Variants in SNX2 observed in about 807,000 individuals in gnomAD.
SNX2 encodes sorting nexin 2, also known as sorting nexin-2.
In SNX2, 25 loss-of-function variants were observed where a neutral mutation model predicts 69.9. That is an observed-to-expected ratio of 0.36 (90% CI 0.26 to 0.50). The LOEUF is 0.50. SNX2 is among the 20% of genes least tolerant of loss of function. The pLI is 0.97. For missense variants in SNX2, 551 were observed against 613.3 expected, an observed-to-expected ratio of 0.90 and a Z score of 1.07; for synonymous variants, 229 against 200.4, an observed-to-expected ratio of 1.14 and a Z score of -1.20.
At chr5:122,789,253 A>G (rs190333504) in intron 1 of SNX2, among the ~76,000 whole-genome samples, 18 of 152,222 alleles carry the variant, frequency 1.2e-4, no homozygotes, top group East Asian at 1.2e-3. Context: ...CTAAGTATCA[A>G]TTGAGTTTTC....
intron 11 of SNX2, among the ~76,000 whole-genome samples, chr5:122,824,214 A>G (rs1379983011): frequency 7.2e-5 from 11 of 151,814 alleles, no homozygotes; most frequent in Non-Finnish European, 1.3e-4. Flanking sequence ...AAAAAAAAAA[A>G]AAAAAGAAAA....
chr5:122,777,316 G>T (rs549376734), intron 1 of SNX2, among the ~76,000 whole-genome samples: 1 of 152,260 alleles, frequency 6.6e-6, no homozygotes, highest in South Asian at 2.1e-4. Flanking sequence ...GTAGGACTGG[G>T]TAGAACCCAG....
Position 122,826,037 on chromosome 5 carries a change from C to G in SNX2, c.1213-13C>G. ...TTACTCTTACTTAATAGCATTATGT[C>G]ATTCACTTATAGGGTGTGTTTGACC... is the stretch of plus-strand genomic sequence containing the variant. On this transcript the variant is annotated splice_polypyrimidine_tract_variant and intron_variant, in intron 11 of 14. Transcript: ENST00000379516. The G allele has an allele frequency of 6.2e-7, 1 of 1,608,230 alleles. No homozygotes were observed. Among genetic ancestry groups the G allele is most frequent in the South Asian group, 1.1e-5 (1 of 90,230 alleles).
intron 2 of SNX2, chr5:122,795,612 G>A (rs775544024): frequency 2.7e-6 from 1 of 369,104 alleles, no homozygotes; most frequent in Non-Finnish European, 4.8e-6. Flanking sequence ...AGAATAAATT[G>A]TATATTATAA....
rs75347474 is a variant in SNX2, at chr5:122,790,718, G to C, written c.109-4548G>C. ...AAGTGAGAGAAAGGGTAGAAGATAG[G>C]GGAATTGGCTAGTTATGGAAGATTT... On this transcript the variant is annotated intron_variant, in intron 1 of 14. Coordinates refer to ENST00000379516, the MANE Select transcript of SNX2 (RefSeq NM_003100.4). Among the ~76,000 whole-genome samples the C allele has an allele frequency of 1.1e-3, 170 of 152,300 alleles. 1 individual carries two copies. The East Asian group carries it at 0.027, about 24-fold the overall frequency.
chr5:122,795,793 T>G (rs1753363529), intron 2 of SNX2, among the ~76,000 whole-genome samples: 3 of 152,210 alleles, frequency 2.0e-5, no homozygotes, highest in Non-Finnish European at 4.4e-5. Context: ...TTTAATAAAT[T>G]GCTGTACTAT....
intron 1 of SNX2, among the ~76,000 whole-genome samples, chr5:122,785,265 C>T (rs953453190): frequency 6.6e-6 from 1 of 150,896 alleles, no homozygotes; most frequent in Non-Finnish European, 1.5e-5. Context: ...TTAATTTGCT[C>T]TTCTAGTTTT....
chr5:122,816,357 TG>T (rs1286116199), intron 8 of SNX2, among the ~76,000 whole-genome samples: 2 of 152,206 alleles, frequency 1.3e-5, no homozygotes, highest in African/African-American at 4.8e-5. Context: ...GGTTTTGAAA[TG>T]CAAATTTGTG....
chr5:122,791,470 C>T (rs1192657046), intron 1 of SNX2, among the ~76,000 whole-genome samples: 20 of 152,244 alleles, frequency 1.3e-4, no homozygotes, highest in Admixed American at 3.9e-4. Context: ...TTAGTAGAGA[C>T]GGGGTTTCAC....
In SNX2 at chr5:122,803,361, G is replaced by T. The variant is rs1038056090; in HGVS notation, c.502-111G>T. Reference sequence around the variant, plus strand: ...ATATACCACATTAGTTAGATACTCTGCATTCTTTTGCAAAGTAGATACATG... The same window carrying T: ...ATATACCACATTAGTTAGATACTCTTCATTCTTTTGCAAAGTAGATACATG... On this transcript the variant is annotated intron_variant, in intron 5 of 14. Coordinates refer to ENST00000379516, the MANE Select transcript of SNX2 (RefSeq NM_003100.4). 7.1e-6 allele frequency: 7 copies of T among 988,480 alleles called. No homozygotes were observed. In the East Asian group the frequency reaches 1.6e-4, roughly 22 times the overall value. 61.2% of individuals were successfully genotyped at this position (988,480 alleles called of 1,614,324 possible). A position where few individuals can be genotyped will look rare whatever the true frequency, so the allele number is the denominator to read the frequency against.
chr5:122,803,388 A>G (rs563922246), intron 5 of SNX2, 84 bp from the exon 6 acceptor site: 1 of 1,291,886 alleles, frequency 7.7e-7, no homozygotes, highest in African/African-American at 1.5e-5. Context: ...AGATACATGT[A>G]TGTGTTCACA....
chr5:122,808,108 A>C (rs1348940674), intron 6 of SNX2, among the ~76,000 whole-genome samples, 169 bp from the exon 7 acceptor site: 1 of 152,200 alleles, frequency 6.6e-6, no homozygotes, highest in Non-Finnish European at 1.5e-5. Context: ...TTAACGTATC[A>C]TGAGATTTAA....
Position 122,834,241 on chromosome 5 carries a change from A to G in SNX2, c.*4593A>G, listed in dbSNP as rs954103978. 1 of 152,232 alleles carries G rather than the reference A, an allele frequency of 6.6e-6. No individual in the cohort carries two copies. The highest frequency in any genetic ancestry group is 2.4e-5 in the African/African-American group (1 of 41,476). 9.4% of individuals were successfully genotyped at this position (152,232 alleles called of 1,614,324 possible). On this transcript the variant is annotated 3_prime_UTR_variant, in exon 15 of 15. Coordinates refer to ENST00000379516, the MANE Select transcript of SNX2 (RefSeq NM_003100.4). ...CTGATAAGATTGTAGAAGATAGGGAAGCTGTAGTTTACTATCTAGTTTTTT... is the reference window on the plus strand; with the variant it reads ...CTGATAAGATTGTAGAAGATAGGGAGGCTGTAGTTTACTATCTAGTTTTTT...
intron 7 of SNX2, among the ~76,000 whole-genome samples, chr5:122,812,562 T>A (rs1753804013): frequency 6.6e-6 from 1 of 152,218 alleles, no homozygotes; most frequent in South Asian, 2.1e-4. Context: ...ACCAACCACA[T>A]CTTAAATACT....
At chr5:122,811,989 T>C (rs927705443) in intron 7 of SNX2, among the ~76,000 whole-genome samples, 1 of 152,180 alleles carries the variant, frequency 6.6e-6, no homozygotes, top group Non-Finnish European at 1.5e-5. Context: ...TTCAGGATTA[T>C]CTAATTCATT....
chr5:122,802,917 TGA>T (rs972097611), intron 5 of SNX2, among the ~76,000 whole-genome samples: 4 of 152,038 alleles, frequency 2.6e-5, no homozygotes, highest in Admixed American at 1.3e-4. Context: ...TTTGCAGCTG[TGA>T]GAGTGATCCA....
rs1754320707 is a variant in SNX2, at chr5:122,832,669, A to G, written c.*3021A>G. ...CTTTAACTATGACATAAGCCTTTTA[A>G]CATAATCAGCTTTCTTTAAAGGAGG... is the stretch of plus-strand genomic sequence containing the variant. On this transcript the variant is annotated 3_prime_UTR_variant, in exon 15 of 15. Coordinates refer to ENST00000379516, the MANE Select transcript of SNX2 (RefSeq NM_003100.4). 6.6e-6 allele frequency: 1 copy of G among 152,228 alleles called. No homozygotes were observed. Among genetic ancestry groups the G allele is most frequent in the Non-Finnish European group, 1.5e-5 (1 of 68,028 alleles). 9.4% of individuals were successfully genotyped at this position (152,228 alleles called of 1,614,324 possible). A position where few individuals can be genotyped will look rare whatever the true frequency, so the allele number is the denominator to read the frequency against.
intron 2 of SNX2, among the ~76,000 whole-genome samples, chr5:122,798,034 A>G (rs1753423874): frequency 2.0e-5 from 3 of 152,222 alleles, no homozygotes; most frequent in Middle Eastern, 3.4e-3. Context: ...ATCTCTCACA[A>G]TATTTTGCCT....
chr5:122,775,453 C>G, intron 1 of SNX2: 1 of 1,202,204 alleles, frequency 8.3e-7, no homozygotes, highest in Non-Finnish European at 1.0e-6. Context: ...GGGCCAGAAC[C>G]GAACCGAGCA....
Sources: allele counts gnomAD v4.1 joint callset (sites outside exome capture counted in the v4.1 genomes callset), GRCh38; gene constraint gnomAD v4.1.1; transcripts MANE v1.5; gene names NCBI Gene and HGNC (gene_info 2026-07-23, HGNC 2026-07-21).